DCDC1: variants seen among roughly 807,000 people sequenced by gnomAD.
The protein encoded by DCDC1 is doublecortin domain-containing protein 1.
A neutral mutation model predicts 178.3 loss-of-function variants in DCDC1; 200 were observed. The observed-to-expected ratio is 1.12, with a 90% CI of 1.00 to 1.26. DCDC1 has a LOEUF of 1.26. Among genes scored for constraint, DCDC1 ranks in the 50% most tolerant of loss-of-function variants. The pLI is 0.00. For synonymous variants in DCDC1, 690 were observed against 604.8 expected (o/e 1.14, Z -2.07); for missense variants, 1,983 against 1,749.2 (o/e 1.13, Z -2.38).
At chr11:30,933,242 C>A (rs1947056353) in intron 21 of DCDC1, among the ~76,000 whole-genome samples, 1 of 151,238 alleles carries the variant, frequency 6.6e-6, no homozygotes, top group Admixed American at 6.6e-5. Flanking sequence ...GGAATTGGCT[C>A]TTGTTGGCCC....
intron 9 of DCDC1, among the ~76,000 whole-genome samples, chr11:31,204,923 C>T (rs114290802): frequency 1.8e-3 from 274 of 152,284 alleles, no homozygotes; most frequent in African/African-American, 6.2e-3. Context: ...TACTTTGTTG[C>T]AGACCCTTCA....
chr11:31,104,954 C>A (rs150833195), intron 13 of DCDC1, among the ~76,000 whole-genome samples: 1 of 151,824 alleles, frequency 6.6e-6, no homozygotes, highest in African/African-American at 2.4e-5. Context: ...AAAATAGAAG[C>A]GGACATCGGC....
intron 11 of DCDC1, among the ~76,000 whole-genome samples, chr11:31,125,733 C>A (rs1013885579): frequency 6.6e-6 from 1 of 151,944 alleles, no homozygotes; most frequent in African/African-American, 2.4e-5. Context: ...AATGAGAACA[C>A]GTGGACATAG....
intron 1 of DCDC1, among the ~76,000 whole-genome samples, chr11:31,341,939 G>A (rs542754782): frequency 1.3e-4 from 20 of 152,170 alleles, no homozygotes; most frequent in African/African-American, 4.8e-4. Context: ...ACTGGTGCCA[G>A]AAAAACTTTC....
At chr11:30,879,198 C>A (rs771515429) in intron 37 of DCDC1, among the ~76,000 whole-genome samples, 15 of 152,102 alleles carry the variant, frequency 9.9e-5, no homozygotes, top group African/African-American at 3.6e-4. Flanking sequence ...TATTATAATG[C>A]ATAAAATAAG....
intron 20 of DCDC1, among the ~76,000 whole-genome samples, chr11:30,963,399 T>A (rs969785011): frequency 6.6e-5 from 10 of 152,136 alleles, no homozygotes; most frequent in Non-Finnish European, 1.0e-4. Flanking sequence ...ATTCCCCAAA[T>A]CAATTTTCTC....
intron 36 of DCDC1, among the ~76,000 whole-genome samples, chr11:30,892,322 C>T (rs964729744): frequency 3.9e-5 from 6 of 152,026 alleles, no homozygotes; most frequent in African/African-American, 1.4e-4. Flanking sequence ...TAGGCTTTCT[C>T]TAATGAGTAC....
chr11:30,955,481 C>A (rs916027711), intron 20 of DCDC1, among the ~76,000 whole-genome samples: 4 of 152,192 alleles, frequency 2.6e-5, no homozygotes, highest in East Asian at 1.9e-4. Flanking sequence ...CTCTCAGGGC[C>A]TCCCAAGACT....
intron 9 of DCDC1, among the ~76,000 whole-genome samples, chr11:31,185,178 G>A (rs1449245509): frequency 6.6e-6 from 1 of 152,140 alleles, no homozygotes; most frequent in Non-Finnish European, 1.5e-5. Flanking sequence ...CAAACACTGC[G>A]TGTTCTCACT....
intron 38 of DCDC1, among the ~76,000 whole-genome samples, chr11:30,865,579 C>G (rs1001422244): frequency 6.6e-6 from 1 of 151,960 alleles, no homozygotes; most frequent in Non-Finnish European, 1.5e-5. Flanking sequence ...AAAATTTTAT[C>G]AATGTTATAA....
chr11:31,145,333 G>A (rs1203583429), intron 9 of DCDC1, among the ~76,000 whole-genome samples: 1 of 152,190 alleles, frequency 6.6e-6, no homozygotes, highest in African/African-American at 2.4e-5. Flanking sequence ...CATACCAGAT[G>A]GGCAGAGAGG....
chr11:31,153,754 GC>G (rs1345516621), intron 9 of DCDC1, among the ~76,000 whole-genome samples: 2 of 146,206 alleles, frequency 1.4e-5, no homozygotes, highest in Non-Finnish European at 3.0e-5. Context: ...CAGCACTCCA[GC>G]CTGGGCGATA....
rs367730942 is a variant in DCDC1 at position 31,102,167 on chromosome 11, A to G, written c.1983+10T>C. On this transcript the variant is annotated intron_variant, in intron 15 of 38. Transcript: ENST00000684477. ...GTGCACCTTTTAAAGTACAATAACT[A>G]AAATCCCACCTTGTTCTGTAGAAAA... 744 of 683,294 alleles carry G rather than the reference A, an allele frequency of 1.1e-3. 1 individual carries two copies. Among genetic ancestry groups the G allele is most frequent in the Non-Finnish European group, 1.8e-3 (662 of 369,062 alleles). 42.3% of individuals were successfully genotyped at this position (683,294 alleles called of 1,614,324 possible). A position where few individuals can be genotyped will look rare whatever the true frequency, so the allele number is the denominator to read the frequency against.
At chr11:31,123,682 G>A (rs1269353452) in intron 11 of DCDC1, among the ~76,000 whole-genome samples, 7 of 151,974 alleles carry the variant, frequency 4.6e-5, no homozygotes, top group African/African-American at 9.7e-5. Context: ...TGTTGCAAAG[G>A]AGAAACCTGA....
chr11:31,118,527 T>G (rs138434093), intron 11 of DCDC1, among the ~76,000 whole-genome samples: 1 of 152,068 alleles, frequency 6.6e-6, no homozygotes, highest in Non-Finnish European at 1.5e-5. Context: ...TAGATGTCAG[T>G]CGGTAATCCA....
intron 15 of DCDC1, among the ~76,000 whole-genome samples, chr11:31,099,938 C>A (rs947469639): frequency 6.6e-6 from 1 of 151,998 alleles, no homozygotes; most frequent in Non-Finnish European, 1.5e-5. Context: ...AGGATGGTCT[C>A]AATCTCCTGA....
chr11:31,094,475 C>T (rs1958020283), intron 15 of DCDC1, among the ~76,000 whole-genome samples: 1 of 152,068 alleles, frequency 6.6e-6, no homozygotes, highest in Non-Finnish European at 1.5e-5. Flanking sequence ...CCCCACCTGC[C>T]TTTCATGTTA....
At chr11:31,294,184 T>A (rs146596879) in intron 6 of DCDC1, among the ~76,000 whole-genome samples, 1 of 152,144 alleles carries the variant, frequency 6.6e-6, no homozygotes, top group Non-Finnish European at 1.5e-5. Flanking sequence ...GAGAGGCCTA[T>A]GAGATGAGAA....
At chr11:31,245,460 T>G (rs889550811) in intron 8 of DCDC1, among the ~76,000 whole-genome samples, 1 of 151,890 alleles carries the variant, frequency 6.6e-6, no homozygotes, top group South Asian at 2.1e-4. Context: ...CTAAAAAAAT[T>G]TGATCTGAAT....
Sources: gnomAD v4.1 joint callset for allele counts (sites outside exome capture counted in the v4.1 genomes callset) on GRCh38, gnomAD v4.1.1 for gene constraint, MANE v1.5 for transcripts, NCBI Gene and HGNC (gene_info 2026-07-23, HGNC 2026-07-21) for gene names.